The following NCOA2 variants were observed in gnomAD, a reference collection of about 807,000 sequenced individuals.
NCOA2 encodes class E basic helix-loop-helix protein 75.
In NCOA2, 21 loss-of-function variants were observed where a neutral mutation model predicts 145.1. That is an observed-to-expected ratio of 0.14 (90% CI 0.10 to 0.21). The LOEUF (loss-of-function observed/expected upper bound fraction) is 0.21. NCOA2 is among the 10% of genes least tolerant of loss of function. The pLI is 1.00. For missense variants in NCOA2, 1,472 were observed against 1,837.6 expected (o/e 0.80, Z 3.64); for synonymous variants, 619 against 637.5 (o/e 0.97, Z 0.44).
At chr8:70,379,054 A>G (rs1811945293) in intron 1 of NCOA2, among the ~76,000 whole-genome samples, 1 of 152,222 alleles carries the variant, frequency 6.6e-6, no homozygotes, top group Non-Finnish European at 1.5e-5. Flanking sequence ...TTAAAGGATA[A>G]GGGTAGAAAA....
At position 70,156,116 on chromosome 8, in the gene NCOA2, T is replaced by C; in HGVS notation, c.2249A>G (p.Asp750Gly). 6.2e-7 allele frequency: 1 copy of C among 1,614,034 alleles called. No individual in the cohort carries two copies. ...KENALLRYLL[D>G]KDDTKDIGLP... The stretch of plus-strand genomic sequence containing the variant: ...ACCAATATCTTTAGTATCATCTTTA[T>C]CTAGCAAATAGCGAAGTAGTGCATT... The change falls in exon 11 of 23, where the codon GAT (aspartate) becomes GGT (glycine). Residue 750 changes from aspartate to glycine, a missense_variant. Physicochemically the swap from Asp to Gly is moderately conservative, Grantham distance 94. Coordinates refer to ENST00000452400, the MANE Select transcript of NCOA2 (RefSeq NM_006540.4).
intron 2 of NCOA2, among the ~76,000 whole-genome samples, chr8:70,257,241 T>C (rs1248719403): frequency 1.3e-5 from 2 of 152,184 alleles, no homozygotes; most frequent in African/African-American, 4.8e-5. Flanking sequence ...TTACAATACA[T>C]AGGGTTACAA....
chr8:70,456,179 T>TG, the NCOA2 span, among the ~76,000 whole-genome samples: 1 of 152,120 alleles, frequency 6.6e-6, no homozygotes, highest in African/African-American at 2.4e-5. Context: ...CCTCAGTCTC[T>TG]GCACCTATAA....
the NCOA2 span, among the ~76,000 whole-genome samples, chr8:70,444,683 A>T: frequency 6.6e-6 from 1 of 152,264 alleles, no homozygotes; most frequent in African/African-American, 2.4e-5. Context: ...ATCTATAATT[A>T]TCTCAAAATA....
intron 4 of NCOA2, among the ~76,000 whole-genome samples, chr8:70,191,506 A>G (rs1816672495): frequency 6.6e-6 from 1 of 152,208 alleles, no homozygotes; most frequent in Non-Finnish European, 1.5e-5. Context: ...GCTCCTAGAA[A>G]ATTAGACTGA....
intron 4 of NCOA2, among the ~76,000 whole-genome samples, chr8:70,176,180 A>C (rs987927775): frequency 6.6e-6 from 1 of 152,260 alleles, no homozygotes. Context: ...AATGTATCTT[A>C]ATACTAGCAT....
rs3085558 is a variant in NCOA2 at position 70,341,082 on chromosome 8, G to GAAAAA, written c.-76-44287_-76-44283dup. Reference sequence around the variant, plus strand: ...TGTGTACCCCTGAACTTAAAAAGTTGAAAAAAAAAAAAAAAGAAACAAATA... The same window carrying GAAAAA: ...TGTGTACCCCTGAACTTAAAAAGTTGAAAAAAAAAAAAAAAAAAAAGAAACAAATA... On this transcript the variant is annotated intron_variant, in intron 1 of 22. Coordinates refer to ENST00000452400, the MANE Select transcript of NCOA2 (RefSeq NM_006540.4). 2.2e-3 allele frequency among the ~76,000 whole-genome samples: 226 copies of GAAAAA among 105,052 alleles called. 2 individuals are homozygous for GAAAAA. Among genetic ancestry groups the GAAAAA allele is most frequent in the African/African-American group, 6.7e-3 (210 of 31,142 alleles). The allele number at this position is 105,052 out of a possible 152,430, so 68.9% of individuals were successfully genotyped here. A position where few individuals can be genotyped will look rare whatever the true frequency, so the allele number is the denominator to read the frequency against.
chr8:70,369,417 C>T (rs1352450875), intron 1 of NCOA2, among the ~76,000 whole-genome samples: 1 of 152,104 alleles, frequency 6.6e-6, no homozygotes, highest in African/African-American at 2.4e-5. Context: ...TTAGATGGTG[C>T]TATAAAAACT....
At chr8:70,299,009 G>A (rs191534659) in intron 1 of NCOA2, among the ~76,000 whole-genome samples, 10 of 152,148 alleles carry the variant, frequency 6.6e-5, no homozygotes, top group African/African-American at 7.2e-5. Flanking sequence ...GCAGTGAGCC[G>A]AGATCGCGCC....
rs1806644393 is a variant in NCOA2 at position 70,112,665 on chromosome 8, A to C, written c.*967T>G. ...ATGCATTTTTTTTTTCTGAAATTCAATACTTAGCAATTGGTAAGTGGCTGG... is the reference window on the plus strand; with the variant it reads ...ATGCATTTTTTTTTTCTGAAATTCACTACTTAGCAATTGGTAAGTGGCTGG... On this transcript the variant is annotated 3_prime_UTR_variant, in exon 23 of 23. Transcript: ENST00000452400. 5 of 200,174 alleles carry C rather than the reference A, an allele frequency of 2.5e-5. No homozygotes were observed. In the South Asian group the frequency reaches 9.6e-4, roughly 38 times the overall value. 12.4% of individuals were successfully genotyped at this position (200,174 alleles called of 1,614,324 possible).
At chr8:70,286,013 T>G (rs1402936181) in intron 2 of NCOA2, among the ~76,000 whole-genome samples, 1 of 152,220 alleles carries the variant, frequency 6.6e-6, no homozygotes, top group Non-Finnish European at 1.5e-5. Context: ...CCCAAGCTAC[T>G]GGTAAGAATT....
chr8:70,181,861 AG>A (rs761570685), intron 4 of NCOA2, among the ~76,000 whole-genome samples: 2 of 152,252 alleles, frequency 1.3e-5, no homozygotes, highest in Non-Finnish European at 2.9e-5. Flanking sequence ...ACCCAGCAGC[AG>A]TGAGACCTAC....
At chr8:70,335,522 T>C (rs1807509759) in intron 1 of NCOA2, among the ~76,000 whole-genome samples, 1 of 152,212 alleles carries the variant, frequency 6.6e-6, no homozygotes, top group African/African-American at 2.4e-5. Flanking sequence ...ATTCACACTG[T>C]TGTGCAACCA....
chr8:70,177,217 T>G (rs1055885901), intron 4 of NCOA2, among the ~76,000 whole-genome samples: 1 of 152,206 alleles, frequency 6.6e-6, no homozygotes, highest in East Asian at 1.9e-4. Flanking sequence ...TATCAGAATG[T>G]GCAGTGGGAA....
At chr8:70,325,255 G>C (rs1019246559) in intron 1 of NCOA2, among the ~76,000 whole-genome samples, 1 of 152,130 alleles carries the variant, frequency 6.6e-6, no homozygotes, top group Non-Finnish European at 1.5e-5. Context: ...CAAAAGATAT[G>C]CTCAACTGGT....
At chr8:70,267,870 T>G (rs1256732734) in intron 2 of NCOA2, among the ~76,000 whole-genome samples, 5 of 152,190 alleles carry the variant, frequency 3.3e-5, no homozygotes, top group African/African-American at 1.2e-4. Context: ...TGGAAAAGAA[T>G]AGAGAAATTA....
intron 4 of NCOA2, among the ~76,000 whole-genome samples, 161 bp from the exon 5 acceptor site, chr8:70,175,020 T>C (rs146995170): frequency 4.6e-5 from 7 of 152,354 alleles, no homozygotes; most frequent in Middle Eastern, 3.4e-3. Flanking sequence ...TGGGAGAAAC[T>C]GCTGGAAGCA....
intron 1 of NCOA2, among the ~76,000 whole-genome samples, chr8:70,389,655 T>C: frequency 6.6e-6 from 1 of 152,022 alleles, no homozygotes; most frequent in East Asian, 1.9e-4. Flanking sequence ...CAAGTATGTC[T>C]GTAAGACATT....
chr8:70,411,688 T>A, the NCOA2 span, among the ~76,000 whole-genome samples: 3 of 152,216 alleles, frequency 2.0e-5, no homozygotes, highest in Admixed American at 6.5e-5. Flanking sequence ...ATAACATGTA[T>A]AAATCATAGA....
Sources: gnomAD v4.1 joint callset for allele counts (sites outside exome capture counted in the v4.1 genomes callset) on GRCh38, gnomAD v4.1.1 for gene constraint, MANE v1.5 for transcripts, NCBI Gene and HGNC (gene_info 2026-07-23, HGNC 2026-07-21) for gene names.